Variants in ZSWIM5 observed in about 807,000 individuals in gnomAD.
ZSWIM5 encodes the protein zinc finger SWIM domain-containing protein 5.
In ZSWIM5, 55 loss-of-function variants were observed where a neutral mutation model predicts 119.6. That is an observed-to-expected ratio of 0.46 (90% confidence interval 0.37 to 0.58). The LOEUF (loss-of-function observed/expected upper bound fraction) is 0.58. Among genes scored for constraint, ZSWIM5 ranks in the 20% least tolerant of loss-of-function variants. ZSWIM5 has a pLI of 0.00. For missense variants in ZSWIM5, 1,193 were observed against 1,512.8 expected (o/e 0.79, Z 3.51); for synonymous variants, 537 against 606.9 (o/e 0.88, Z 1.69).
intron 2 of ZSWIM5, among the ~76,000 whole-genome samples, chr1:45,085,544 T>TG (rs1411211110): frequency 6.7e-6 from 1 of 150,012 alleles, no homozygotes; most frequent in Non-Finnish European, 1.5e-5. Context: ...TTTTTTTTTT[T>TG]TTTGCTCATG....
chr1:45,203,520 A>G (rs1028625160), intron 1 of ZSWIM5, among the ~76,000 whole-genome samples: 1 of 152,072 alleles, frequency 6.6e-6, no homozygotes, highest in African/African-American at 2.4e-5. Context: ...GTAAGGAAAT[A>G]TGTAGAATTC....
intron 1 of ZSWIM5, among the ~76,000 whole-genome samples, chr1:45,127,808 A>C (rs1395572317): frequency 6.6e-6 from 1 of 152,242 alleles, no homozygotes; most frequent in African/African-American, 2.4e-5. Context: ...TATGAAAAAT[A>C]AACTGTATTT....
At chr1:45,165,763 C>T (rs346713) in intron 1 of ZSWIM5, among the ~76,000 whole-genome samples, 56 of 152,146 alleles carry the variant, frequency 3.7e-4, no homozygotes, top group African/African-American at 1.3e-3. Context: ...CAAGACTAAA[C>T]CAGGAAGAAG....
rs534599856 is a variant in ZSWIM5 at position 45,160,989 on chromosome 1, A to ATTTTTTTTTTTTTTTTTTTTTTTTT, written c.595+44766_595+44767insAAAAAAAAAAAAAAAAAAAAAAAAA. Among the ~76,000 whole-genome samples, 254 of 122,520 alleles carry ATTTTTTTTTTTTTTTTTTTTTTTTT rather than the reference A, an allele frequency of 2.1e-3. 12 individuals are homozygous for ATTTTTTTTTTTTTTTTTTTTTTTTT. The highest frequency in any genetic ancestry group is 4.2e-3 in the Middle Eastern group (1 of 236). The allele number at this position is 122,520 out of a possible 152,430, so 80.4% of individuals were successfully genotyped here. The stretch of plus-strand genomic sequence containing the variant: ...AGCGCCTGCCACCATGCCCGGCTAA[A>ATTTTTTTTTTTTTTTTTTTTTTTTT]TTTTTTTTTTTTTTTTTAGTAGAGA... On this transcript the variant is annotated intron_variant, in intron 1 of 13. Coordinates refer to ENST00000359600, the MANE Select transcript of ZSWIM5 (RefSeq NM_020883.2).
At chr1:45,142,882 T>C (rs1345615815) in intron 1 of ZSWIM5, among the ~76,000 whole-genome samples, 2 of 150,462 alleles carry the variant, frequency 1.3e-5, no homozygotes, top group African/African-American at 2.4e-5. Flanking sequence ...GGAAGAAAAC[T>C]ATAGACTGCT....
intron 11 of ZSWIM5, among the ~76,000 whole-genome samples, chr1:45,021,173 C>T (rs1644885517): frequency 6.6e-6 from 1 of 152,114 alleles, no homozygotes; most frequent in Non-Finnish European, 1.5e-5. Flanking sequence ...GTAGCTGGGA[C>T]TACGGGCGCC....
intron 11 of ZSWIM5, among the ~76,000 whole-genome samples, chr1:45,030,968 T>C (rs1644949309): frequency 1.3e-5 from 2 of 151,690 alleles, no homozygotes; most frequent in East Asian, 1.9e-4. Flanking sequence ...CAGCTAATTT[T>C]TGTATTTTTT....
At chr1:45,103,603 G>C (rs1266828494) in intron 1 of ZSWIM5, among the ~76,000 whole-genome samples, 2 of 152,182 alleles carry the variant, frequency 1.3e-5, no homozygotes, top group African/African-American at 4.8e-5. Context: ...AGAGAGTCCT[G>C]CACTAATAAC....
At chr1:45,194,232 TA>T (rs111646058) in intron 1 of ZSWIM5, among the ~76,000 whole-genome samples, 1 of 152,040 alleles carries the variant, frequency 6.6e-6, no homozygotes, top group Admixed American at 6.6e-5. Context: ...CATGAATGAA[TA>T]GGGGGAAAAA....
chr1:45,118,265 T>C (rs1050925855), intron 1 of ZSWIM5, among the ~76,000 whole-genome samples: 1 of 152,226 alleles, frequency 6.6e-6, no homozygotes, highest in Non-Finnish European at 1.5e-5. Context: ...TCCAAGATGA[T>C]TATTTTTCTC....
At chr1:45,196,518 G>T (rs1212110090) in intron 1 of ZSWIM5, among the ~76,000 whole-genome samples, 1 of 149,224 alleles carries the variant, frequency 6.7e-6, no homozygotes, top group Non-Finnish European at 1.5e-5. Context: ...AGCCTCCCGA[G>T]TAGCTGGGAC....
intron 1 of ZSWIM5, among the ~76,000 whole-genome samples, chr1:45,203,554 AATTG>A (rs763582395): frequency 2.6e-5 from 4 of 152,094 alleles, no homozygotes; most frequent in Non-Finnish European, 5.9e-5. Flanking sequence ...CTTAGTAATT[AATTG>A]AGTTTGAAGT....
chr1:45,069,733 C>A (rs1048102501), intron 2 of ZSWIM5, among the ~76,000 whole-genome samples: 1 of 152,116 alleles, frequency 6.6e-6, no homozygotes, highest in Non-Finnish European at 1.5e-5. Context: ...GAAAATGCCA[C>A]TCAACATCGC....
At chr1:45,049,550 G>A (rs1645076903) in intron 5 of ZSWIM5, among the ~76,000 whole-genome samples, 1 of 152,308 alleles carries the variant, frequency 6.6e-6, no homozygotes, top group Admixed American at 6.5e-5. Context: ...TGGTCGCGGT[G>A]GCTCATGCCT....
In ZSWIM5 at chr1:45,035,678, G is replaced by GTGGGAC. The variant is rs1174728909; in HGVS notation, c.2291+9_2291+10insGTCCCA. 1 of 1,612,418 alleles carries GTGGGAC rather than the reference G, an allele frequency of 6.2e-7. No individual in the cohort carries two copies. The highest frequency in any genetic ancestry group is 8.5e-7 in the Non-Finnish European group (1 of 1,179,834). On this transcript the variant is annotated intron_variant, in intron 10 of 13. Transcript: ENST00000359600. ...GGTGGAGGCAATTGGACTGGGAAAG[G>GTGGGAC]GCTACCCACCTCATGGCACGTAAGG...
intron 2 of ZSWIM5, among the ~76,000 whole-genome samples, chr1:45,082,993 G>C (rs904054585): frequency 6.6e-6 from 1 of 152,170 alleles, no homozygotes; most frequent in African/African-American, 2.4e-5. Flanking sequence ...CCATAGCCCA[G>C]CTGTCAGGGT....
chr1:45,143,993 GAAGACCT>G (rs1179729255), intron 1 of ZSWIM5, among the ~76,000 whole-genome samples: 1 of 152,030 alleles, frequency 6.6e-6, no homozygotes, highest in African/African-American at 2.4e-5. Flanking sequence ...AGAAATCCAG[GAAGACCT>G]AAATAAATAG....
At chr1:45,115,466 C>T (rs1000636667) in intron 1 of ZSWIM5, among the ~76,000 whole-genome samples, 2 of 146,632 alleles carry the variant, frequency 1.4e-5, no homozygotes, top group East Asian at 2.1e-4. Flanking sequence ...GACGGGGTGG[C>T]GGTCGGGCAG....
chr1:45,089,517 T>C (rs1471871750), intron 1 of ZSWIM5, among the ~76,000 whole-genome samples: 1 of 152,240 alleles, frequency 6.6e-6, no homozygotes, highest in Non-Finnish European at 1.5e-5. Flanking sequence ...CTTAAAGGTA[T>C]GTAAACTGAG....
Sources: allele counts gnomAD v4.1 joint callset (sites outside exome capture counted in the v4.1 genomes callset), GRCh38; gene constraint gnomAD v4.1.1; transcripts MANE v1.5; gene names NCBI Gene and HGNC (gene_info 2026-07-23, HGNC 2026-07-21).